ANGPT1: variants seen among roughly 807,000 people sequenced by gnomAD.
ANGPT1 encodes the protein angiopoietin 1.
In ANGPT1, 17 loss-of-function variants were observed where a neutral mutation model predicts 62.2. The observed-to-expected ratio is 0.27, with a 90% confidence interval of 0.19 to 0.41. The LOEUF (loss-of-function observed/expected upper bound fraction) is 0.41, where lower values mean the gene tolerates loss of function less well. Ranked by LOEUF, ANGPT1 falls within the 10% of genes least tolerant of loss-of-function variation. ANGPT1 has a pLI of 1.00. For missense variants in ANGPT1, 478 were observed against 594.9 expected, an observed-to-expected ratio of 0.80 and a Z score of 2.04; for synonymous variants, 199 against 198.9, an observed-to-expected ratio of 1.00 and a Z score of 0.00.
At chr8:107,360,708 T>A (rs1309343172) in intron 1 of ANGPT1, among the ~76,000 whole-genome samples, 1 of 152,144 alleles carries the variant, frequency 6.6e-6, no homozygotes, top group African/African-American at 2.4e-5. Flanking sequence ...TGAGTTGCCA[T>A]CATTAAGCGG....
chr8:107,311,239 T>C (rs1477722871), intron 4 of ANGPT1, among the ~76,000 whole-genome samples: 4 of 147,614 alleles, frequency 2.7e-5, no homozygotes, highest in Non-Finnish European at 4.4e-5. Context: ...ATTTGGGCAC[T>C]GAACAATATA....
rs568388990 is a variant in ANGPT1 at position 107,320,858 on chromosome 8, AT to A, written c.808+1037del. 1.3e-4 allele frequency among the ~76,000 whole-genome samples: 20 copies of A among 152,190 alleles called. No individual in the cohort carries two copies. The South Asian group carries it at 4.1e-3, about 32-fold the overall frequency. ...TAGATGAAAGCATGAAATTGAACAA[AT>A]TTGTCACATAGCTCAAATCCACTTT... is the stretch of plus-strand genomic sequence containing the variant. On this transcript the variant is annotated intron_variant, in intron 4 of 8. Transcript: ENST00000517746.
intron 6 of ANGPT1, among the ~76,000 whole-genome samples, chr8:107,285,960 G>A (rs1814130724): frequency 1.3e-5 from 2 of 152,092 alleles, no homozygotes; most frequent in African/African-American, 4.8e-5. Context: ...AAAGAAAAAG[G>A]TAGAAAGGAA....
chr8:107,289,953 G>A (rs544227253), intron 6 of ANGPT1, among the ~76,000 whole-genome samples: 3 of 152,174 alleles, frequency 2.0e-5, no homozygotes, highest in Admixed American at 2.0e-4. Context: ...ACTTGAAGGA[G>A]CTAATATCTT....
intron 1 of ANGPT1, among the ~76,000 whole-genome samples, chr8:107,370,529 T>C (rs974306867): frequency 7.3e-6 from 1 of 136,802 alleles, no homozygotes; most frequent in Non-Finnish European, 1.6e-5. Flanking sequence ...CTGCCCAACA[T>C]GGTCTCTACT....
intron 1 of ANGPT1, among the ~76,000 whole-genome samples, chr8:107,377,847 C>G (rs561678488): frequency 6.6e-6 from 1 of 151,866 alleles, no homozygotes; most frequent in African/African-American, 2.4e-5. Context: ...AAAGATGGCC[C>G]AAAGATTAAT....
chr8:107,277,066 T>C (rs1385596680), intron 7 of ANGPT1, among the ~76,000 whole-genome samples: 2 of 152,164 alleles, frequency 1.3e-5, no homozygotes, highest in Admixed American at 6.5e-5. Flanking sequence ...GCATTATAAA[T>C]TATGTAGTAA....
chr8:107,463,517 T>A (rs181707723), intron 1 of ANGPT1, among the ~76,000 whole-genome samples: 1 of 152,200 alleles, frequency 6.6e-6, no homozygotes, highest in Admixed American at 6.6e-5. Context: ...TCATCTAGGA[T>A]CAACAAGCAT....
At chr8:107,342,172 T>A (rs1313278474) in intron 2 of ANGPT1, among the ~76,000 whole-genome samples, 1 of 152,240 alleles carries the variant, frequency 6.6e-6, no homozygotes, top group Non-Finnish European at 1.5e-5. Flanking sequence ...TTCTGACCCA[T>A]CAGCTATTTG....
chr8:107,436,377 C>T (rs1339128718), intron 1 of ANGPT1, among the ~76,000 whole-genome samples: 2 of 152,198 alleles, frequency 1.3e-5, no homozygotes, highest in Non-Finnish European at 2.9e-5. Context: ...ATTTACATTG[C>T]ATTCATCCTC....
chr8:107,329,881 G>A (rs1815380554), intron 3 of ANGPT1, among the ~76,000 whole-genome samples: 1 of 151,814 alleles, frequency 6.6e-6, no homozygotes, highest in South Asian at 2.1e-4. Flanking sequence ...CTAATAGTAT[G>A]GATATAGATA....
At chr8:107,288,441 A>G (rs1273330820) in intron 6 of ANGPT1, among the ~76,000 whole-genome samples, 2 of 152,136 alleles carry the variant, frequency 1.3e-5, no homozygotes, top group Non-Finnish European at 2.9e-5. Flanking sequence ...CCATGCTAAT[A>G]AGTTAATATT....
intron 1 of ANGPT1, among the ~76,000 whole-genome samples, chr8:107,426,358 C>T (rs570857599): frequency 2.0e-5 from 3 of 152,196 alleles, no homozygotes; most frequent in Non-Finnish European, 4.4e-5. Context: ...GATGATTAAT[C>T]AGCATTCTAA....
At chr8:107,419,826 T>G (rs2130376368) in intron 1 of ANGPT1, among the ~76,000 whole-genome samples, 1 of 152,272 alleles carries the variant, frequency 6.6e-6, no homozygotes, top group African/African-American at 2.4e-5. Flanking sequence ...ATATCTAGGT[T>G]TGACTAATTT....
At chr8:107,489,759 G>T (rs1485116721) in intron 1 of ANGPT1, among the ~76,000 whole-genome samples, 1 of 152,070 alleles carries the variant, frequency 6.6e-6, no homozygotes, top group East Asian at 1.9e-4. Context: ...ATTGTAAGAA[G>T]ATTTAAACAT....
chr8:107,480,322 A>G (rs1812645317), intron 1 of ANGPT1, among the ~76,000 whole-genome samples: 1 of 152,208 alleles, frequency 6.6e-6, no homozygotes, highest in Non-Finnish European at 1.5e-5. Context: ...TAAGAAGAAT[A>G]AGGTATCTAT....
intron 1 of ANGPT1, among the ~76,000 whole-genome samples, chr8:107,428,702 C>T (rs1811101399): frequency 6.6e-6 from 1 of 151,740 alleles, no homozygotes. Context: ...CAGATACCTG[C>T]CAGTGCTTTT....
intron 3 of ANGPT1, among the ~76,000 whole-genome samples, chr8:107,323,815 C>CTGGA (rs1274286180): frequency 6.6e-6 from 1 of 152,082 alleles, no homozygotes; most frequent in Non-Finnish European, 1.5e-5. Context: ...GTCGCCCAGG[C>CTGGA]TGGAGCACAG....
intron 1 of ANGPT1, among the ~76,000 whole-genome samples, chr8:107,402,926 G>C (rs1353351752): frequency 6.6e-6 from 1 of 152,130 alleles, no homozygotes; most frequent in African/African-American, 2.4e-5. Flanking sequence ...AGTACATTTA[G>C]TAATGAACAT....
Sources: allele counts gnomAD v4.1 joint callset (sites outside exome capture counted in the v4.1 genomes callset), GRCh38; gene constraint gnomAD v4.1.1; transcripts MANE v1.5; gene names NCBI Gene and HGNC (gene_info 2026-07-23, HGNC 2026-07-21).